The following MARK3 variants were observed in gnomAD, a reference collection of about 807,000 sequenced individuals.
MARK3 encodes microtubule affinity regulating kinase 3.
MARK3 carries 46 observed loss-of-function variants against 90.1 expected under a neutral mutation model. The observed-to-expected ratio is 0.51, with a 90% CI of 0.40 to 0.65. The LOEUF is 0.65. Among genes scored for constraint, MARK3 ranks in the 30% least tolerant of loss-of-function variants. MARK3 has a pLI of 0.00. For synonymous variants in MARK3, 321 were observed against 332.6 expected (o/e 0.97, Z 0.38); for missense variants, 818 against 947.2 (o/e 0.86, Z 1.79).
At chr14:103,430,623 A>C (rs1162390134) in intron 3 of MARK3, among the ~76,000 whole-genome samples, 1 of 152,290 alleles carries the variant, frequency 6.6e-6, no homozygotes, top group Admixed American at 6.5e-5. Flanking sequence ...CCACTACCGA[A>C]AAAGGTGGAC....
Position 103,503,352 on chromosome 14 carries a change from G to T in MARK3, c.*125G>T. The T allele has an allele frequency of 1.1e-6, 1 of 937,566 alleles. No homozygotes were observed. The highest frequency in any genetic ancestry group is 1.6e-6 in the Non-Finnish European group (1 of 639,216). 58.1% of individuals were successfully genotyped at this position (937,566 alleles called of 1,614,324 possible). On this transcript the variant is annotated 3_prime_UTR_variant, in exon 18 of 18. Coordinates refer to ENST00000429436, the MANE Select transcript of MARK3 (RefSeq NM_001128918.3). ...CTAAATCATGAAATTAAAGTCTGAGGACGAGAGCACGCCTGGGAGCGAAAG... is the reference window on the plus strand; with the variant it reads ...CTAAATCATGAAATTAAAGTCTGAGTACGAGAGCACGCCTGGGAGCGAAAG...
intron 6 of MARK3, chr14:103,458,912 G>A (rs1595775270): frequency 8.9e-6 from 4 of 449,430 alleles, no homozygotes; most frequent in East Asian, 6.7e-5. Context: ...ATCAGCTTTG[G>A]CTATCATTTA....
At chr14:103,437,957 T>A (rs2092755785) in intron 3 of MARK3, among the ~76,000 whole-genome samples, 1 of 152,218 alleles carries the variant, frequency 6.6e-6, no homozygotes, top group African/African-American at 2.4e-5. Context: ...CTTTATCTTA[T>A]AGCATTGCAT....
intron 15 of MARK3, among the ~76,000 whole-genome samples, chr14:103,492,591 T>C (rs2094036412): frequency 6.6e-6 from 1 of 152,210 alleles, no homozygotes; most frequent in South Asian, 2.1e-4. Context: ...ATAAAATCTC[T>C]GGTTTATTAT....
rs61200962 is a variant in MARK3 at position 103,409,435 on chromosome 14, TAAAAAAAAA to T, written c.243+4190_243+4198del. ...TGCACATGTATCCCAGAACTTAAAG[TAAAAAAAAA>T]AAAAAAAAAAAAAAAAAAAAAGGAA... On this transcript the variant is annotated intron_variant, in intron 2 of 17. Coordinates refer to ENST00000429436, the MANE Select transcript of MARK3 (RefSeq NM_001128918.3). 2.0e-3 allele frequency among the ~76,000 whole-genome samples: 186 copies of T among 93,440 alleles called. 1 individual carries two copies. Among genetic ancestry groups the T allele is most frequent in the Middle Eastern group, 9.8e-3 (1 of 102 alleles). 61.3% of individuals were successfully genotyped at this position (93,440 alleles called of 152,430 possible).
At chr14:103,411,612 C>CT (rs985651814) in intron 2 of MARK3, among the ~76,000 whole-genome samples, 20 of 149,638 alleles carry the variant, frequency 1.3e-4, no homozygotes, top group South Asian at 2.1e-4. Context: ...CCTGATGATT[C>CT]TTTTTTTTTT....
intron 2 of MARK3, among the ~76,000 whole-genome samples, chr14:103,423,952 T>G (rs1354125976): frequency 1.3e-5 from 2 of 152,182 alleles, no homozygotes; most frequent in African/African-American, 4.8e-5. Flanking sequence ...ATGCCTGTAA[T>G]TCCAGCACTT....
At chr14:103,481,518 C>G (rs1374492727) in intron 14 of MARK3, among the ~76,000 whole-genome samples, 1 of 152,084 alleles carries the variant, frequency 6.6e-6, no homozygotes, top group East Asian at 1.9e-4. Flanking sequence ...TTATCACTTC[C>G]CTGTTCCATA....
chr14:103,426,038 T>C (rs2092391783), intron 2 of MARK3, among the ~76,000 whole-genome samples: 1 of 152,216 alleles, frequency 6.6e-6, no homozygotes, highest in South Asian at 2.1e-4. Flanking sequence ...CCTGGAGGTT[T>C]TCTGAGACCC....
chr14:103,412,350 C>G, intron 2 of MARK3: 2 of 626,466 alleles, frequency 3.2e-6, no homozygotes, highest in Non-Finnish European at 2.9e-6. Context: ...GTGTTTTCAT[C>G]GTGTGTGAGC....
At chr14:103,386,621 C>A (rs2089825202) in intron 1 of MARK3, among the ~76,000 whole-genome samples, 1 of 152,204 alleles carries the variant, frequency 6.6e-6, no homozygotes. Flanking sequence ...CTTAGGAATT[C>A]CAAAACACTA....
At chr14:103,404,995 T>C in intron 1 of MARK3, 81 bp from the exon 2 acceptor site, 1 of 1,005,100 alleles carries the variant, frequency 9.9e-7, no homozygotes, top group Non-Finnish European at 1.4e-6. Context: ...GGAATGTTTT[T>C]TCTTCAATTA....
At position 103,452,471 on chromosome 14, in the gene MARK3, C is replaced by CTTTTTTTTTTTTTTTTT. The variant is rs71126026; in HGVS notation, c.412+490_412+506dup. Among the ~76,000 whole-genome samples the CTTTTTTTTTTTTTTTTT allele has an allele frequency of 3.4e-4, 33 of 97,476 alleles. 3 individuals are homozygous for CTTTTTTTTTTTTTTTTT. Among genetic ancestry groups the CTTTTTTTTTTTTTTTTT allele is most frequent in the African/African-American group, 6.0e-4 (19 of 31,472 alleles). 63.9% of individuals were successfully genotyped at this position (97,476 alleles called of 152,430 possible). ...ACAAGTGGAATTTTACAGGATTTGT[C>CTTTTTTTTTTTTTTTTT]TTTTTTTTTTTTTTTTTTGAGACGG... On this transcript the variant is annotated intron_variant, in intron 5 of 17. Transcript: ENST00000429436.
intron 2 of MARK3, among the ~76,000 whole-genome samples, chr14:103,405,830 C>G (rs1382643610): frequency 6.6e-6 from 1 of 151,000 alleles, no homozygotes; most frequent in Non-Finnish European, 1.5e-5. Context: ...AACTCCTGAC[C>G]TCGTGATCCA....
intron 7 of MARK3, among the ~76,000 whole-genome samples, chr14:103,465,165 AC>A (rs2093479289): frequency 1.3e-5 from 2 of 152,164 alleles, no homozygotes; most frequent in Admixed American, 1.3e-4. Context: ...ACAGGGTATC[AC>A]CATGTTGGCC....
At chr14:103,405,360 CTTTTT>C in intron 2 of MARK3, 93 bp downstream of exon 2, 1 of 1,023,770 alleles carries the variant, frequency 9.8e-7, no homozygotes, top group Non-Finnish European at 1.4e-6. Flanking sequence ...GGCCTTATTT[CTTTTT>C]TTTAAGATGG....
At chr14:103,483,029 A>G (rs895946311) in intron 14 of MARK3, among the ~76,000 whole-genome samples, 4 of 152,224 alleles carry the variant, frequency 2.6e-5, no homozygotes, top group African/African-American at 9.6e-5. Flanking sequence ...AATGAATTAA[A>G]AGACTGGAAA....
At position 103,464,991 on chromosome 14, in the gene MARK3, G is replaced by T. The variant is rs994054343; in HGVS notation, c.541-566G>T. 3.4e-5 allele frequency among the ~76,000 whole-genome samples: 5 copies of T among 146,070 alleles called. No homozygotes were observed. The East Asian group carries it at 1.0e-3, about 30-fold the overall frequency. On this transcript the variant is annotated intron_variant, in intron 7 of 17. Coordinates refer to ENST00000429436, the MANE Select transcript of MARK3 (RefSeq NM_001128918.3). Reference sequence around the variant, plus strand: ...TATTCTTGTTTTTTGGTTTTGAGATGGAGTATTGCTCTGTCGCCCAGGCTG... The same window carrying T: ...TATTCTTGTTTTTTGGTTTTGAGATTGAGTATTGCTCTGTCGCCCAGGCTG...
chr14:103,462,766 A>G (rs765017017), intron 7 of MARK3, among the ~76,000 whole-genome samples: 4 of 152,144 alleles, frequency 2.6e-5, no homozygotes, highest in Non-Finnish European at 4.4e-5. Context: ...CCTCAGTGCC[A>G]CCCGGCATTC....
Sources: allele counts gnomAD v4.1 joint callset (sites outside exome capture counted in the v4.1 genomes callset), GRCh38; gene constraint gnomAD v4.1.1; transcripts MANE v1.5; gene names NCBI Gene and HGNC (gene_info 2026-07-23, HGNC 2026-07-21).